SDC2: variants seen among roughly 807,000 people sequenced by gnomAD.
SDC2 encodes syndecan 2.
Under a neutral mutation model 22.2 loss-of-function variants are expected in SDC2, and 13 were observed. The ratio of observed to expected loss-of-function variants is 0.59; its 90% confidence interval spans 0.38 to 0.93. The LOEUF (loss-of-function observed/expected upper bound fraction) is 0.93, where lower values mean the gene tolerates loss of function less well. SDC2 is among the 40% of genes least tolerant of loss of function. The pLI is 0.00. For synonymous variants in SDC2, 94 were observed against 92.8 expected, an observed-to-expected ratio of 1.01 and a Z score of -0.07; for missense variants, 235 against 246.8, an observed-to-expected ratio of 0.95 and a Z score of 0.32.
intron 4 of SDC2, among the ~76,000 whole-genome samples, chr8:96,609,097 G>A (rs541326348): frequency 6.6e-6 from 1 of 152,172 alleles, no homozygotes; most frequent in East Asian, 1.9e-4. Context: ...GTTCTGAAAA[G>A]ACAAAAGTAG....
intron 2 of SDC2, among the ~76,000 whole-genome samples, chr8:96,598,310 A>G (rs1814915625): frequency 6.6e-6 from 1 of 152,170 alleles, no homozygotes; most frequent in Non-Finnish European, 1.5e-5. Flanking sequence ...CATAAGTAAA[A>G]GAAAATGTTA....
chr8:96,501,496 C>T (rs1334157290), intron 1 of SDC2, among the ~76,000 whole-genome samples: 17 of 151,488 alleles, frequency 1.1e-4, no homozygotes, highest in East Asian at 9.7e-4. Context: ...TTAGTAGAGA[C>T]GGGATTTCAC....
chr8:96,587,653 C>A (rs980197238), intron 1 of SDC2, among the ~76,000 whole-genome samples: 32 of 152,074 alleles, frequency 2.1e-4, no homozygotes, highest in African/African-American at 7.0e-4. Flanking sequence ...ACTGTTAAGC[C>A]AGAACTCAAA....
chr8:96,540,125 G>T (rs1449950324), intron 1 of SDC2, among the ~76,000 whole-genome samples: 2 of 151,526 alleles, frequency 1.3e-5, no homozygotes, highest in African/African-American at 4.9e-5. Context: ...ATGCCTTTCT[G>T]ATGTCTGTTC....
intron 1 of SDC2, among the ~76,000 whole-genome samples, chr8:96,539,881 C>T (rs768411716): frequency 4.6e-5 from 7 of 152,150 alleles, no homozygotes; most frequent in Non-Finnish European, 1.0e-4. Context: ...ACCCTTAGGA[C>T]ACCATATGAT....
At chr8:96,524,411 TGA>T (rs745977227) in intron 1 of SDC2, among the ~76,000 whole-genome samples, 5 of 152,280 alleles carry the variant, frequency 3.3e-5, no homozygotes, top group African/African-American at 4.8e-5. Context: ...GTTGAGCATG[TGA>T]GAGAGAGATT....
At chr8:96,587,474 T>G (rs956217198) in intron 1 of SDC2, among the ~76,000 whole-genome samples, 1 of 152,228 alleles carries the variant, frequency 6.6e-6, no homozygotes, top group Non-Finnish European at 1.5e-5. Flanking sequence ...CAAGATCATC[T>G]TTTTCCCACA....
chr8:96,581,072 A>G (rs903373877), intron 1 of SDC2, among the ~76,000 whole-genome samples: 1 of 152,120 alleles, frequency 6.6e-6, no homozygotes, highest in African/African-American at 2.4e-5. Flanking sequence ...CGTCTTCCAT[A>G]TTTTTAGAAA....
intron 1 of SDC2, among the ~76,000 whole-genome samples, chr8:96,513,784 G>T (rs1206172981): frequency 6.6e-6 from 1 of 152,132 alleles, no homozygotes; most frequent in Admixed American, 6.5e-5. Flanking sequence ...TAAAAGGAAA[G>T]CCTTTCTAAG....
At chr8:96,513,664 T>C (rs569342265) in intron 1 of SDC2, among the ~76,000 whole-genome samples, 1 of 152,192 alleles carries the variant, frequency 6.6e-6, no homozygotes, top group South Asian at 2.1e-4. Flanking sequence ...CTAATAAGCA[T>C]GAGAAAGATG....
At chr8:96,586,630 A>G (rs1376176201) in intron 1 of SDC2, 2 of 152,196 alleles carry the variant, frequency 1.3e-5, no homozygotes, top group Non-Finnish European at 2.9e-5. Context: ...CAGAAGCTTC[A>G]TGGAACTAGA....
intron 2 of SDC2, among the ~76,000 whole-genome samples, chr8:96,598,689 G>C (rs1441014379): frequency 6.6e-6 from 1 of 151,990 alleles, no homozygotes; most frequent in Non-Finnish European, 1.5e-5. Flanking sequence ...CCGGTGCCCT[G>C]GTGGAGAGAT....
Position 96,582,049 on chromosome 8 carries a change from A to C in SDC2, c.61-11431A>C, listed in dbSNP as rs559045541. ...AGCTAATGCTTCTGCCCCAACTGCC[A>C]TGGTGCAGCTCGGGGAAGGCTTCAT... On this transcript the variant is annotated intron_variant, in intron 1 of 4. Coordinates refer to ENST00000302190, the MANE Select transcript of SDC2 (RefSeq NM_002998.4). Among the ~76,000 whole-genome samples the C allele has an allele frequency of 3.9e-5, 6 of 152,328 alleles. No individual in the cohort carries two copies. In the South Asian group the frequency reaches 1.2e-3, roughly 32 times the overall value.
chr8:96,568,940 A>G lies in SDC2; in HGVS notation c.61-24540A>G, dbSNP rs535883542. Among the ~76,000 whole-genome samples, 69 of 152,334 alleles carry G rather than the reference A, an allele frequency of 4.5e-4. 1 individual carries two copies. In the South Asian group the frequency reaches 0.014, roughly 30 times the overall value. On this transcript the variant is annotated intron_variant, in intron 1 of 4. Coordinates refer to ENST00000302190, the MANE Select transcript of SDC2 (RefSeq NM_002998.4). ...CTGGGTGTCAGGGAAGGGAAATTACACATGGCTGCTGCTTGGATAAGAATG... is the reference window on the plus strand; with the variant it reads ...CTGGGTGTCAGGGAAGGGAAATTACGCATGGCTGCTGCTTGGATAAGAATG...
chr8:96,526,017 A>G (rs1813571981), intron 1 of SDC2, among the ~76,000 whole-genome samples: 1 of 152,166 alleles, frequency 6.6e-6, no homozygotes. Context: ...ATGGAGGCTT[A>G]TCAAAGCTAA....
At chr8:96,527,441 C>T (rs1813595677) in intron 1 of SDC2, among the ~76,000 whole-genome samples, 1 of 152,162 alleles carries the variant, frequency 6.6e-6, no homozygotes, top group South Asian at 2.1e-4. Context: ...CTCTCTCTCT[C>T]TGCCCCTAAA....
At chr8:96,606,702 C>T (rs972796859) in intron 3 of SDC2, among the ~76,000 whole-genome samples, 3 of 151,996 alleles carry the variant, frequency 2.0e-5, no homozygotes, top group South Asian at 2.1e-4. Context: ...TGTGGATCAG[C>T]GTAACCTTGG....
intron 1 of SDC2, among the ~76,000 whole-genome samples, chr8:96,499,235 T>G (rs189010175): frequency 1.3e-5 from 2 of 152,352 alleles, no homozygotes; most frequent in Admixed American, 1.3e-4. Context: ...GATCCAGCCC[T>G]GTTGTTTTTA....
At chr8:96,546,305 G>A (rs1323157074) in intron 1 of SDC2, among the ~76,000 whole-genome samples, 1 of 152,150 alleles carries the variant, frequency 6.6e-6, no homozygotes, top group Admixed American at 6.5e-5. Context: ...ATGTTTTCTG[G>A]AGAGAGGTCC....
Sources: allele counts gnomAD v4.1 joint callset (sites outside exome capture counted in the v4.1 genomes callset), GRCh38; gene constraint gnomAD v4.1.1; transcripts MANE v1.5; gene names NCBI Gene and HGNC (gene_info 2026-07-23, HGNC 2026-07-21).